Variants in EYS observed in about 807,000 individuals in gnomAD.
The protein encoded by EYS is EGF-like photoreceptor maintenance factor.
A neutral mutation model predicts 282.1 loss-of-function variants in EYS; 250 were observed. The observed-to-expected ratio is 0.89, with a 90% CI of 0.80 to 0.98. The LOEUF (loss-of-function observed/expected upper bound fraction) is 0.98, where lower values mean the gene tolerates loss of function less well. Ranked by LOEUF, EYS falls within the 50% of genes least tolerant of loss-of-function variation. EYS has a pLI of 0.00. For synonymous variants in EYS, 1,355 were observed against 1,282.9 expected (o/e 1.06, Z -1.20); for missense variants, 4,016 against 3,709.0 (o/e 1.08, Z -2.15).
intron 26 of EYS, among the ~76,000 whole-genome samples, chr6:64,476,515 G>A (rs962937419): frequency 2.0e-5 from 3 of 151,944 alleles, no homozygotes; most frequent in Non-Finnish European, 4.4e-5. Context: ...CTGTTGCAGA[G>A]TGAAAAAAAT....
At chr6:64,033,464 C>A (rs551252296) in intron 33 of EYS, among the ~76,000 whole-genome samples, 1 of 152,128 alleles carries the variant, frequency 6.6e-6, no homozygotes, top group African/African-American at 2.4e-5. Flanking sequence ...CATCTCTGAA[C>A]CTGAAAAAGA....
chr6:64,748,797 G>T (rs917706381), intron 22 of EYS, among the ~76,000 whole-genome samples: 1 of 152,210 alleles, frequency 6.6e-6, no homozygotes, highest in African/African-American at 2.4e-5. Context: ...TTATGAGACG[G>T]AGTCTCACTC....
intron 41 of EYS, among the ~76,000 whole-genome samples, chr6:63,740,480 A>G (rs545069860): frequency 6.6e-6 from 1 of 152,298 alleles, no homozygotes. Context: ...GCAGCATGAA[A>G]ATGGACTAAT....
At chr6:65,527,340 T>G (rs59702556) in intron 2 of EYS, among the ~76,000 whole-genome samples, 10,579 of 152,178 alleles carry the variant, frequency 0.07, 1,068 homozygotes, top group African/African-American at 0.22. Flanking sequence ...ATGACTCACG[T>G]ATGGGTTGGT....
intron 26 of EYS, among the ~76,000 whole-genome samples, chr6:64,580,268 G>T (rs1212195402): frequency 6.6e-6 from 1 of 152,098 alleles, no homozygotes; most frequent in Admixed American, 6.6e-5. Context: ...CCCAAATACT[G>T]CTGAGGGAAG....
intron 15 of EYS, among the ~76,000 whole-genome samples, chr6:64,937,843 G>A (rs866733178): frequency 4.5e-4 from 68 of 151,596 alleles, no homozygotes; most frequent in African/African-American, 1.4e-3. Flanking sequence ...TTATAGCAGC[G>A]TTATTCATAA....
At chr6:64,046,652 G>A (rs1334485978) in intron 33 of EYS, among the ~76,000 whole-genome samples, 1 of 152,008 alleles carries the variant, frequency 6.6e-6, no homozygotes, top group Admixed American at 6.6e-5. Flanking sequence ...AGCTGCCTAA[G>A]TGTCTTTAAA....
chr6:65,614,075 A>C lies in EYS; in HGVS notation c.-333+25703T>G, dbSNP rs1309158090. Among the ~76,000 whole-genome samples the C allele has an allele frequency of 3.3e-5, 5 of 152,022 alleles. No individual in the cohort carries two copies. In the East Asian group the frequency reaches 9.6e-4, roughly 29 times the overall value. On this transcript the variant is annotated intron_variant, in intron 2 of 42. Transcript: ENST00000503581. ...AAGTGCCAGGCACATGGGATATACA[A>C]TACGACGTGTCTTTAAATTTCACTT...
intron 1 of EYS, among the ~76,000 whole-genome samples, chr6:65,660,098 A>G (rs530398415): frequency 1.2e-4 from 18 of 151,854 alleles, no homozygotes; most frequent in African/African-American, 3.6e-4. Flanking sequence ...ATTTATTCAG[A>G]ATTTTAAAAT....
At chr6:65,149,364 C>T (rs1458685799) in intron 12 of EYS, among the ~76,000 whole-genome samples, 1 of 152,152 alleles carries the variant, frequency 6.6e-6, no homozygotes, top group Non-Finnish European at 1.5e-5. Flanking sequence ...TAAGGCATAG[C>T]AAGAGTTACC....
In EYS at chr6:64,995,977, T is replaced by C. The variant is rs188996834; in HGVS notation, c.2259+1605A>G. Among the ~76,000 whole-genome samples, 36 of 152,232 alleles carry C rather than the reference T, an allele frequency of 2.4e-4. No homozygotes were observed. The East Asian group carries it at 4.1e-3, about 17-fold the overall frequency. On this transcript the variant is annotated intron_variant, in intron 14 of 42. Coordinates refer to ENST00000503581, the MANE Select transcript of EYS (RefSeq NM_001142800.2). ...TGAAAGTGGAATCTTATATTACAGG[T>C]ATGGGGTTCTTTCTTCTGTAATAAA...
intron 28 of EYS, among the ~76,000 whole-genome samples, chr6:64,424,091 CAT>C (rs761550014): frequency 9.9e-5 from 15 of 152,200 alleles, no homozygotes; most frequent in Non-Finnish European, 1.6e-4. Context: ...ATTAACATAA[CAT>C]ATTCTTCAAC....
chr6:65,251,816 C>T (rs975422058), intron 12 of EYS, among the ~76,000 whole-genome samples: 4 of 151,954 alleles, frequency 2.6e-5, no homozygotes, highest in Admixed American at 6.6e-5. Context: ...AAAGGAGACT[C>T]CCAATGCCTA....
Position 63,806,333 on chromosome 6 carries a change from G to C in EYS, c.7268C>G (p.Ala2423Gly). Reference protein sequence around the residue: ...ITQPRFSGTDAFGYTSFLAYS... With the variant: ...ITQPRFSGTDGFGYTSFLAYS... ...AGCCAGGAATGAGGTGTATCCAAAG[G>C]CATCTGTGCCACTGAACCTTGGCTG... Residue 2423 changes from alanine (A) to glycine (G), a missense_variant, in exon 37 of 43, where the codon GCC becomes GGC. Transcript: ENST00000503581. 6.4e-7 allele frequency: 1 copy of C among 1,550,674 alleles called. No homozygotes were observed. The highest frequency in any genetic ancestry group is 8.7e-7 in the Non-Finnish European group (1 of 1,146,278).
At chr6:64,812,676 G>T (rs1764632822) in intron 22 of EYS, among the ~76,000 whole-genome samples, 1 of 151,938 alleles carries the variant, frequency 6.6e-6, no homozygotes, top group African/African-American at 2.4e-5. Context: ...ATATATGACA[G>T]AAATACAGCT....
intron 12 of EYS, among the ~76,000 whole-genome samples, chr6:65,165,712 C>G (rs1764956459): frequency 6.6e-6 from 1 of 150,820 alleles, no homozygotes; most frequent in Non-Finnish European, 1.5e-5. Flanking sequence ...CAACATTGTA[C>G]TGAATATTTT....
At chr6:65,177,628 A>G (rs1460881797) in intron 12 of EYS, among the ~76,000 whole-genome samples, 2 of 151,892 alleles carry the variant, frequency 1.3e-5, no homozygotes, top group Non-Finnish European at 1.5e-5. Context: ...TCACATATAC[A>G]TACATAATTA....
intron 22 of EYS, among the ~76,000 whole-genome samples, chr6:64,681,555 A>G (rs1417282480): frequency 1.3e-5 from 2 of 152,194 alleles, no homozygotes; most frequent in African/African-American, 4.8e-5. Context: ...CTCGTCCACT[A>G]GGAATGTCAG....
chr6:64,019,416 C>CTTTTT (rs112215249), intron 33 of EYS, among the ~76,000 whole-genome samples: 1 of 150,538 alleles, frequency 6.6e-6, no homozygotes, highest in Admixed American at 6.6e-5. Flanking sequence ...TCTTTCTTTC[C>CTTTTT]TTTTTATTTT....
Sources: gnomAD v4.1 joint callset for allele counts (sites outside exome capture counted in the v4.1 genomes callset) on GRCh38, gnomAD v4.1.1 for gene constraint, MANE v1.5 for transcripts, NCBI Gene and HGNC (gene_info 2026-07-23, HGNC 2026-07-21) for gene names.